CHCHD3: variants seen among roughly 807,000 people sequenced by gnomAD.
CHCHD3 encodes MICOS complex subunit MIC19.
CHCHD3 carries 20 observed loss-of-function variants against 38.2 expected under a neutral mutation model. The ratio of observed to expected loss-of-function variants is 0.52; its 90% CI spans 0.37 to 0.76. The LOEUF (loss-of-function observed/expected upper bound fraction) is 0.76. Ranked by LOEUF, CHCHD3 falls within the 30% of genes least tolerant of loss-of-function variation. The pLI, the probability that CHCHD3 is intolerant of heterozygous loss-of-function variation, is 0.00. For missense variants in CHCHD3, 245 were observed against 279.2 expected (o/e 0.88, Z 0.87); for synonymous variants, 82 against 100.0 (o/e 0.82, Z 1.07).
chr7:132,919,378 T>G (rs1375014056), intron 4 of CHCHD3, among the ~76,000 whole-genome samples: 1 of 152,126 alleles, frequency 6.6e-6, no homozygotes, highest in Non-Finnish European at 1.5e-5. Context: ...CCCAAAGTGC[T>G]GGGATTACAG....
chr7:132,947,838 C>T (rs949694062), intron 4 of CHCHD3, among the ~76,000 whole-genome samples: 1 of 151,832 alleles, frequency 6.6e-6, no homozygotes, highest in African/African-American at 2.4e-5. Flanking sequence ...TGTAATTAAA[C>T]ATTAAATGAA....
At chr7:132,852,087 T>A (rs1808233809) in intron 5 of CHCHD3, among the ~76,000 whole-genome samples, 1 of 152,230 alleles carries the variant, frequency 6.6e-6, no homozygotes, top group Admixed American at 6.5e-5. Context: ...GCAACACTCT[T>A]TAGCCCTGCA....
chr7:133,035,667 C>T lies in CHCHD3; in HGVS notation c.170-11040G>A, dbSNP rs999932071. The T allele has an allele frequency of 4.3e-6, 7 of 1,612,088 alleles. No homozygotes were observed. The Admixed American group carries it at 6.7e-5, about 15-fold the overall frequency. On this transcript the variant is annotated intron_variant, in intron 2 of 7. Coordinates refer to ENST00000262570, the MANE Select transcript of CHCHD3 (RefSeq NM_017812.4). The surrounding 1 kb of genome is among the most constrained non-coding windows in gnomAD (Gnocchi z 4.7). ...GGCTGCTGCCTCTGGAGTACTTCCC[C>T]GCAGCTCCTCATTGCTCACATAGTA...
At chr7:132,902,259 G>A (rs1352309127) in intron 4 of CHCHD3, among the ~76,000 whole-genome samples, 1 of 152,168 alleles carries the variant, frequency 6.6e-6, no homozygotes, top group East Asian at 1.9e-4. Context: ...AGACAGTGTG[G>A]CGATTCCTCA....
intron 3 of CHCHD3, among the ~76,000 whole-genome samples, chr7:133,024,315 C>G (rs946394807): frequency 6.6e-6 from 1 of 152,176 alleles, no homozygotes; most frequent in Non-Finnish European, 1.5e-5. Flanking sequence ...AATATTCAAG[C>G]AACCAATACA....
chr7:132,959,722 CAAAAAAAAA>C (rs376282108), intron 4 of CHCHD3, among the ~76,000 whole-genome samples: 5 of 44,140 alleles, frequency 1.1e-4, no homozygotes, highest in Admixed American at 2.3e-4. Flanking sequence ...AACTCCGTCT[CAAAAAAAAA>C]AAAAAAAAAG....
rs200873719 is a variant in CHCHD3 at position 132,885,720 on chromosome 7, C to T, written c.395G>A (p.Arg132Gln). 79 of 1,608,794 alleles carry T rather than the reference C, an allele frequency of 4.9e-5. No individual in the cohort carries two copies. The East Asian group carries it at 8.8e-4, about 18-fold the overall frequency. The change falls in exon 5 of 8, where the codon CGA (arginine) becomes CAA (glutamine). Residue 132 changes from arginine to glutamine, a missense_variant. Coordinates refer to ENST00000262570, the MANE Select transcript of CHCHD3 (RefSeq NM_017812.4). The stretch of plus-strand genomic sequence containing the variant: ...GAATGCATCCTGCTTCTTTAGCACT[C>T]GGTCTTTCTCTTCCAGCTGCCTAGC... The part of the protein sequence containing the change: ...HLARQLEEKD[R>Q]VLKKQDAFYK...
chr7:133,030,136 T>C (rs1050365652), intron 2 of CHCHD3, among the ~76,000 whole-genome samples: 3 of 152,148 alleles, frequency 2.0e-5, no homozygotes, highest in Non-Finnish European at 2.9e-5. Flanking sequence ...CATAAAGAGT[T>C]TGAAATCTAA....
intron 2 of CHCHD3, among the ~76,000 whole-genome samples, chr7:133,058,039 G>C (rs1814392559): frequency 6.6e-6 from 1 of 152,018 alleles, no homozygotes; most frequent in African/African-American, 2.4e-5. Context: ...TCCCAGAGAA[G>C]ACAACATGTT....
intron 6 of CHCHD3, among the ~76,000 whole-genome samples, chr7:132,812,260 A>T (rs1436679295): frequency 7.8e-6 from 1 of 128,452 alleles, no homozygotes; most frequent in African/African-American, 3.1e-5. Flanking sequence ...CCAGGCTGGA[A>T]TGCAGTGGTG....
At chr7:132,979,224 CAG>C (rs72053124) in intron 3 of CHCHD3, among the ~76,000 whole-genome samples, 2,844 of 152,250 alleles carry the variant, frequency 0.019, 100 homozygotes, top group African/African-American at 0.064. Flanking sequence ...ATAAATAAAA[CAG>C]AGGGGCATTA....
rs192359538 is a variant in CHCHD3 at position 132,872,870 on chromosome 7, C to T, written c.453+12792G>A. Reference sequence around the variant, plus strand: ...CCTGTAATCTCAGCACTTAGGGAGGCCGAGGCAGGTAGATCACTTGAGGTC... The same window carrying T: ...CCTGTAATCTCAGCACTTAGGGAGGTCGAGGCAGGTAGATCACTTGAGGTC... On this transcript the variant is annotated intron_variant, in intron 5 of 7. Transcript: ENST00000262570. Among the ~76,000 whole-genome samples the T allele has an allele frequency of 1.7e-3, 257 of 151,958 alleles. 2 individuals are homozygous for T. Among genetic ancestry groups the T allele is most frequent in the Middle Eastern group, 6.8e-3 (2 of 294 alleles).
At chr7:132,844,376 T>TC in intron 5 of CHCHD3, among the ~76,000 whole-genome samples, 1 of 152,352 alleles carries the variant, frequency 6.6e-6, no homozygotes, top group East Asian at 1.9e-4. Context: ...TAATGAATAA[T>TC]CATTTTTTTG....
chr7:132,820,611 GTTTTTTTTTTT>G (rs748470167), intron 6 of CHCHD3, among the ~76,000 whole-genome samples: 6 of 96,188 alleles, frequency 6.2e-5, no homozygotes, highest in East Asian at 6.9e-4. Context: ...ATGTGCTAGT[GTTTTTTTTTTT>G]TTTTTTTTTT....
At chr7:133,081,206 G>T (rs1425977643) in intron 1 of CHCHD3, among the ~76,000 whole-genome samples, 1 of 152,192 alleles carries the variant, frequency 6.6e-6, no homozygotes, top group Non-Finnish European at 1.5e-5. Flanking sequence ...GCAGACACTA[G>T]TCCTGAAGCA....
chr7:132,874,664 T>C (rs1288161010), intron 5 of CHCHD3, among the ~76,000 whole-genome samples: 2 of 152,162 alleles, frequency 1.3e-5, no homozygotes, highest in East Asian at 3.9e-4. Flanking sequence ...CTTGGGTTAA[T>C]GGGCATGGTG....
At chr7:133,080,409 T>C (rs990946534) in intron 1 of CHCHD3, among the ~76,000 whole-genome samples, 1 of 152,256 alleles carries the variant, frequency 6.6e-6, no homozygotes, top group African/African-American at 2.4e-5. Flanking sequence ...TCGATTTTGT[T>C]TGCTGTTAGC....
At chr7:133,057,157 C>A (rs1423298707) in intron 2 of CHCHD3, among the ~76,000 whole-genome samples, 1 of 152,204 alleles carries the variant, frequency 6.6e-6, no homozygotes, top group African/African-American at 2.4e-5. Flanking sequence ...AGGCACATCA[C>A]AGATGATGCT....
Position 133,007,725 on chromosome 7 carries a change from T to C in CHCHD3, c.251+16821A>G, listed in dbSNP as rs183730236. 7.0e-3 allele frequency among the ~76,000 whole-genome samples: 1,062 copies of C among 152,298 alleles called. 26 individuals carry two copies. Among genetic ancestry groups the C allele is most frequent in the Non-Finnish European group, 4.8e-3 (327 of 68,026 alleles). On this transcript the variant is annotated intron_variant, in intron 3 of 7. Coordinates refer to ENST00000262570, the MANE Select transcript of CHCHD3 (RefSeq NM_017812.4). ...CTACAATATACGTGTCCCAACTTTC[T>C]GATTTTTAGCTTCCTGATTAATTTA...
Sources: allele counts gnomAD v4.1 joint callset (sites outside exome capture counted in the v4.1 genomes callset), GRCh38; gene constraint gnomAD v4.1.1; non-coding constraint Gnocchi (gnomAD v3.1); transcripts MANE v1.5; gene names NCBI Gene and HGNC (gene_info 2026-07-23, HGNC 2026-07-21).